Variants in ASCC3 observed in about 807,000 individuals in gnomAD.
The protein encoded by ASCC3 is activating signal cointegrator 1 complex subunit 3, also known as ASC-1 complex subunit P200.
Under a neutral mutation model 256.3 loss-of-function variants are expected in ASCC3, and 158 were observed. The observed-to-expected ratio is 0.62, with a 90% CI of 0.54 to 0.70. The LOEUF (loss-of-function observed/expected upper bound fraction) is 0.70. Ranked by LOEUF, ASCC3 falls within the 30% of genes least tolerant of loss-of-function variation. The pLI is 0.00. For synonymous variants in ASCC3, 948 were observed against 883.4 expected (o/e 1.07, Z -1.30); for missense variants, 2,259 against 2,626.0 (o/e 0.86, Z 3.05).
chr6:100,627,776 C>A, intron 28 of ASCC3, 66 bp from the exon 29 acceptor site: 1 of 1,608,994 alleles, frequency 6.2e-7, no homozygotes, highest in Non-Finnish European at 8.5e-7. Flanking sequence ...GTTATAATAT[C>A]TCTTAAAAGG....
At chr6:100,864,508 G>A (rs1319804256) in intron 2 of ASCC3, among the ~76,000 whole-genome samples, 1 of 152,088 alleles carries the variant, frequency 6.6e-6, no homozygotes, top group African/African-American at 2.4e-5. Context: ...TCAACATCCA[G>A]ATAACAATAT....
At chr6:100,553,447 G>A (rs948416760) in intron 36 of ASCC3, among the ~76,000 whole-genome samples, 2 of 151,988 alleles carry the variant, frequency 1.3e-5, no homozygotes, top group Admixed American at 1.3e-4. Context: ...TATGCAACTG[G>A]GATTGAAGCT....
intron 36 of ASCC3, among the ~76,000 whole-genome samples, chr6:100,545,227 G>C (rs1353928998): frequency 6.6e-6 from 1 of 151,530 alleles, no homozygotes; most frequent in Non-Finnish European, 1.5e-5. Flanking sequence ...GCCCAGGCTG[G>C]AGTGCAGTGG....
chr6:100,790,817 T>C lies in ASCC3; in HGVS notation c.1395+7896A>G, dbSNP rs568722939. 2.5e-4 allele frequency among the ~76,000 whole-genome samples: 38 copies of C among 152,078 alleles called. No homozygotes were observed. The South Asian group carries it at 7.7e-3, about 31-fold the overall frequency. The stretch of plus-strand genomic sequence containing the variant: ...CCTAGTTAGAGGCAGATGTTAGTTA[T>C]AACTTTTTCTGTAGTTTAGCAGGTA... On this transcript the variant is annotated intron_variant, in intron 8 of 41. Transcript: ENST00000369162.
chr6:100,838,291 A>G (rs1771976480), intron 4 of ASCC3, among the ~76,000 whole-genome samples: 2 of 152,014 alleles, frequency 1.3e-5, no homozygotes, highest in South Asian at 4.2e-4. Flanking sequence ...TAAAACCTGA[A>G]AACAGTTTTG....
At chr6:100,570,513 C>T (rs932334444) in intron 36 of ASCC3, among the ~76,000 whole-genome samples, 1 of 152,154 alleles carries the variant, frequency 6.6e-6, no homozygotes, top group Non-Finnish European at 1.5e-5. Flanking sequence ...GGACAATGCA[C>T]TCTCCTGGAT....
At position 100,607,096 on chromosome 6, in the gene ASCC3, T is replaced by C; in HGVS notation, c.4786-8A>G. The C allele has an allele frequency of 6.2e-7, 1 of 1,613,224 alleles. No individual in the cohort carries two copies. On this transcript the variant is annotated splice_polypyrimidine_tract_variant and splice_region_variant and intron_variant, in intron 30 of 41. Transcript: ENST00000369162. The stretch of plus-strand genomic sequence containing the variant: ...TGCAATGATGTTCTCCATCTGCAAG[T>C]AAAAACAAAATTACAAGATGTAGAT...
At chr6:100,532,370 GTA>G (rs58933775) in intron 37 of ASCC3, among the ~76,000 whole-genome samples, 1,507 of 93,472 alleles carry the variant, frequency 0.016, 30 homozygotes, top group African/African-American at 0.051. Flanking sequence ...GTGTGTGTGT[GTA>G]TGTGTGTATA....
chr6:100,686,885 G>T (rs565521412), intron 13 of ASCC3, among the ~76,000 whole-genome samples: 39 of 152,120 alleles, frequency 2.6e-4, no homozygotes, highest in African/African-American at 6.7e-4. Flanking sequence ...TTTTGTATAT[G>T]AAAGATAGTA....
rs1181132456 is a variant in ASCC3, at chr6:100,636,455, CCTT to C, written c.4122+2143_4122+2145del. Reference sequence around the variant, plus strand: ...CATCTCTTTCCTTCTCCTCAGGCCTCCTTCTTCCCTAAGACACAACAATATTGA... The same window carrying C: ...CATCTCTTTCCTTCTCCTCAGGCCTCCTTCCCTAAGACACAACAATATTGA... On this transcript the variant is annotated intron_variant, in intron 25 of 41. Coordinates refer to ENST00000369162, the MANE Select transcript of ASCC3 (RefSeq NM_006828.4). Among the ~76,000 whole-genome samples the C allele has an allele frequency of 3.3e-5, 5 of 152,268 alleles. No homozygotes were observed. In the East Asian group the frequency reaches 9.6e-4, roughly 29 times the overall value.
intron 13 of ASCC3, among the ~76,000 whole-genome samples, chr6:100,699,760 G>A (rs1324059200): frequency 6.6e-6 from 1 of 152,126 alleles, no homozygotes; most frequent in East Asian, 1.9e-4. Context: ...TGAGGAACTG[G>A]AGCAAAGGTG....
intron 4 of ASCC3, among the ~76,000 whole-genome samples, chr6:100,835,821 C>T (rs1771848419): frequency 6.6e-6 from 1 of 152,044 alleles, no homozygotes; most frequent in Non-Finnish European, 1.5e-5. Flanking sequence ...GATTGAACTG[C>T]CTATAGATCA....
chr6:100,561,822 A>T (rs964849813), intron 36 of ASCC3, among the ~76,000 whole-genome samples: 1 of 151,844 alleles, frequency 6.6e-6, no homozygotes, highest in Non-Finnish European at 1.5e-5. Flanking sequence ...GAAAATACTT[A>T]AAAAGATGAT....
At chr6:100,677,026 G>C (rs989118261) in intron 14 of ASCC3, among the ~76,000 whole-genome samples, 7 of 152,042 alleles carry the variant, frequency 4.6e-5, no homozygotes, top group Non-Finnish European at 8.8e-5. Context: ...AAATTTTAAT[G>C]TTTTGGGTTC....
intron 8 of ASCC3, 87 bp downstream of exon 8, chr6:100,798,624 AAT>A: frequency 6.3e-7 from 1 of 1,592,284 alleles, no homozygotes; most frequent in Non-Finnish European, 8.5e-7. Context: ...GCCAACTAAT[AAT>A]GTTTTAAAAC....
chr6:100,815,075 G>C (rs971578502), intron 4 of ASCC3, among the ~76,000 whole-genome samples: 4 of 151,812 alleles, frequency 2.6e-5, no homozygotes, highest in African/African-American at 7.3e-5. Flanking sequence ...GAAAGTCTCA[G>C]GATACAAAAT....
At chr6:100,608,097 C>CACATATATATGTATATATATCTACATAT (rs1773029479) in intron 30 of ASCC3, among the ~76,000 whole-genome samples, 1 of 45,026 alleles carries the variant, frequency 2.2e-5, no homozygotes, top group East Asian at 5.3e-4. Context: ...TATCTATATA[C>CACATATATATGTATATATATCTACATAT]ACATATATAT....
chr6:100,665,931 T>C (rs1776450053), intron 14 of ASCC3, among the ~76,000 whole-genome samples: 1 of 152,044 alleles, frequency 6.6e-6, no homozygotes, highest in Non-Finnish European at 1.5e-5. Flanking sequence ...CAAGAGGAGT[T>C]TCTCCACCTT....
At chr6:100,720,649 T>C (rs1288795687) in intron 11 of ASCC3, among the ~76,000 whole-genome samples, 3 of 151,750 alleles carry the variant, frequency 2.0e-5, no homozygotes, top group Non-Finnish European at 4.4e-5. Context: ...CAGACAGCGC[T>C]TTAATATTAG....
Sources: gnomAD v4.1 joint callset for allele counts (sites outside exome capture counted in the v4.1 genomes callset) on GRCh38, gnomAD v4.1.1 for gene constraint, MANE v1.5 for transcripts, NCBI Gene and HGNC (gene_info 2026-07-23, HGNC 2026-07-21) for gene names.